Variants in PTPRK observed in about 807,000 individuals in gnomAD.
PTPRK encodes the protein protein tyrosine phosphatase receptor type K.
A neutral mutation model predicts 178.0 loss-of-function variants in PTPRK; 75 were observed. The observed-to-expected ratio is 0.42, with a 90% CI of 0.35 to 0.51. PTPRK has a LOEUF of 0.51. Among genes scored for constraint, PTPRK ranks in the 20% least tolerant of loss-of-function variants. The pLI is 0.02. For synonymous variants in PTPRK, 637 were observed against 620.6 expected, an observed-to-expected ratio of 1.03 and a Z score of -0.39; for missense variants, 1,441 against 1,797.8, an observed-to-expected ratio of 0.80 and a Z score of 3.59.
At chr6:128,457,809 C>T (rs924849988) in intron 1 of PTPRK, among the ~76,000 whole-genome samples, 14 of 152,096 alleles carry the variant, frequency 9.2e-5, no homozygotes, top group Non-Finnish European at 1.9e-4. Flanking sequence ...GTGCCTAAAT[C>T]ATGAAAATTG....
intron 3 of PTPRK, among the ~76,000 whole-genome samples, chr6:128,277,605 G>A (rs1441801102): frequency 2.0e-5 from 3 of 152,168 alleles, no homozygotes. Context: ...TACCTGGGGT[G>A]GGAAGTCCAT....
chr6:128,499,421 A>G (rs910092307), intron 1 of PTPRK, among the ~76,000 whole-genome samples: 3 of 152,268 alleles, frequency 2.0e-5, no homozygotes, highest in East Asian at 1.9e-4. Flanking sequence ...AGAATATCCA[A>G]CATAAATTAC....
rs1360290376 is a variant in PTPRK, at chr6:128,336,203, G to GT, written c.224-13894dup. 4.7e-3 allele frequency among the ~76,000 whole-genome samples: 640 copies of GT among 135,112 alleles called. 2 individuals are homozygous for GT. The highest frequency in any genetic ancestry group is 0.016 in the African/African-American group (599 of 36,820). 88.6% of individuals were successfully genotyped at this position (135,112 alleles called of 152,430 possible). ...ATTCCAACAGTGTGTTTTTTTTTTT[G>GT]TTTTTTTTTGTTTGTTTTTTTGCCC... On this transcript the variant is annotated intron_variant, in intron 2 of 29. Transcript: ENST00000368226.
At chr6:128,502,899 G>A (rs1159889034) in intron 1 of PTPRK, among the ~76,000 whole-genome samples, 1 of 152,018 alleles carries the variant, frequency 6.6e-6, no homozygotes, top group East Asian at 1.9e-4. Flanking sequence ...AGCCATGGTG[G>A]TAGTATTTAT....
chr6:128,314,530 A>T (rs1012204457), intron 3 of PTPRK, among the ~76,000 whole-genome samples: 3 of 152,196 alleles, frequency 2.0e-5, no homozygotes, highest in African/African-American at 7.2e-5. Flanking sequence ...GCTGTGAGTG[A>T]TTCCCAAATC....
intron 11 of PTPRK, among the ~76,000 whole-genome samples, chr6:128,078,525 G>A (rs760924025): frequency 3.3e-5 from 5 of 151,634 alleles, no homozygotes; most frequent in African/African-American, 7.3e-5. Flanking sequence ...CATCAAACTC[G>A]TCCAAAAATA....
At chr6:128,340,117 C>T (rs1831469344) in intron 2 of PTPRK, among the ~76,000 whole-genome samples, 1 of 152,188 alleles carries the variant, frequency 6.6e-6, no homozygotes, top group Non-Finnish European at 1.5e-5. Flanking sequence ...CTTAGACAAA[C>T]TAAAAAGATT....
At chr6:128,109,910 G>C (rs767874171) in intron 7 of PTPRK, among the ~76,000 whole-genome samples, 27 of 151,760 alleles carry the variant, frequency 1.8e-4, no homozygotes, top group East Asian at 5.8e-4. Context: ...TACTTTTTTG[G>C]GGGGGGAGGA....
chr6:128,225,205 T>C (rs1811076396), intron 5 of PTPRK, among the ~76,000 whole-genome samples: 1 of 152,176 alleles, frequency 6.6e-6, no homozygotes, highest in Non-Finnish European at 1.5e-5. Flanking sequence ...TATTTATATA[T>C]TTATTTCTTC....
At chr6:128,244,461 C>T (rs759330410) in intron 3 of PTPRK, among the ~76,000 whole-genome samples, 4 of 152,040 alleles carry the variant, frequency 2.6e-5, no homozygotes, top group African/African-American at 4.8e-5. Flanking sequence ...AAGCCAACAT[C>T]GAATGGTTAA....
intron 1 of PTPRK, among the ~76,000 whole-genome samples, chr6:128,506,315 C>A (rs921301011): frequency 7.2e-5 from 11 of 152,094 alleles, no homozygotes; most frequent in African/African-American, 2.7e-4. Flanking sequence ...CTTATTTTAA[C>A]CTTATTCCCA....
At chr6:128,178,731 T>C (rs1801476724) in intron 7 of PTPRK, among the ~76,000 whole-genome samples, 1 of 151,832 alleles carries the variant, frequency 6.6e-6, no homozygotes, top group African/African-American at 2.4e-5. Flanking sequence ...TCTCTGCTTC[T>C]AGTCCTTCCT....
At chr6:128,344,514 C>A (rs777459019) in intron 2 of PTPRK, among the ~76,000 whole-genome samples, 1 of 151,934 alleles carries the variant, frequency 6.6e-6, no homozygotes, top group African/African-American at 2.4e-5. Flanking sequence ...TTATCCACCC[C>A]CTCCAATCAC....
chr6:128,006,591 A>G (rs1778448508), intron 14 of PTPRK, among the ~76,000 whole-genome samples: 1 of 151,008 alleles, frequency 6.6e-6, no homozygotes, highest in South Asian at 2.1e-4. Context: ...TATACCATAT[A>G]CTATATATAC....
intron 1 of PTPRK, among the ~76,000 whole-genome samples, chr6:128,420,569 C>T (rs968841484): frequency 1.3e-5 from 2 of 152,102 alleles, no homozygotes; most frequent in African/African-American, 2.4e-5. Context: ...GGCATAGAAA[C>T]AAATAATGAC....
At chr6:128,298,423 C>A (rs1187146800) in intron 3 of PTPRK, among the ~76,000 whole-genome samples, 9 of 145,662 alleles carry the variant, frequency 6.2e-5, no homozygotes, top group Non-Finnish European at 1.0e-4. Context: ...AGAGACACAA[C>A]CAAAAAAGAC....
intron 5 of PTPRK, among the ~76,000 whole-genome samples, chr6:128,229,824 G>A (rs1812001656): frequency 6.6e-6 from 1 of 152,120 alleles, no homozygotes; most frequent in Non-Finnish European, 1.5e-5. Context: ...GGATGATAGG[G>A]AACCAACTCA....
intron 3 of PTPRK, among the ~76,000 whole-genome samples, chr6:128,318,148 G>A (rs895436991): frequency 3.3e-5 from 5 of 152,166 alleles, no homozygotes; most frequent in African/African-American, 9.6e-5. Context: ...TATGACAGAG[G>A]AGGGACATCC....
chr6:128,441,101 GA>G (rs770013989), intron 1 of PTPRK, among the ~76,000 whole-genome samples: 2 of 151,914 alleles, frequency 1.3e-5, no homozygotes, highest in Non-Finnish European at 2.9e-5. Flanking sequence ...TCTTAGAGGT[GA>G]AAAAAATGAC....
Sources: gnomAD v4.1 joint callset for allele counts (sites outside exome capture counted in the v4.1 genomes callset) on GRCh38, gnomAD v4.1.1 for gene constraint, MANE v1.5 for transcripts, NCBI Gene and HGNC (gene_info 2026-07-23, HGNC 2026-07-21) for gene names.